ARGLU1: variants seen among roughly 807,000 people sequenced by gnomAD.
ARGLU1 encodes the protein arginine and glutamate rich 1, also known as arginine and glutamate-rich protein 1.
A neutral mutation model predicts 37.6 loss-of-function variants in ARGLU1; 9 were observed. The ratio of observed to expected loss-of-function variants is 0.24; its 90% CI spans 0.14 to 0.42. The LOEUF (loss-of-function observed/expected upper bound fraction) is 0.42, where lower values mean the gene tolerates loss of function less well. Among genes scored for constraint, ARGLU1 ranks in the 10% least tolerant of loss-of-function variants. The pLI is 1.00. For missense variants in ARGLU1, 211 were observed against 359.2 expected, an observed-to-expected ratio of 0.59 and a Z score of 3.34; for synonymous variants, 166 against 138.5, an observed-to-expected ratio of 1.20 and a Z score of -1.39.
rs763509996 is a variant in ARGLU1 at position 106,544,084 on chromosome 13, T to C, written c.734A>G (p.Gln245Arg). Residue 245 changes from glutamine (Q) to arginine (R), a missense_variant, in exon 4 of 4, where the codon CAA (glutamine) becomes CGA (arginine). Transcript: ENST00000400198. ...TTTTTGTTCTTCTTTTTGTTGACGT[T>C]GTCGTTCTTGTTCTAGTTTCATCCT... ...EERMKLEQER[Q>R]RQQKEEQKII... 1.2e-6 allele frequency: 2 copies of C among 1,608,570 alleles called. No individual in the cohort carries two copies.
chr13:106,559,352 C>T (rs747581926), intron 2 of ARGLU1, 80 bp downstream of exon 2: 1 of 1,585,188 alleles, frequency 6.3e-7, no homozygotes, highest in Non-Finnish European at 8.6e-7. Context: ...CCATCTCTTT[C>T]TGAACTGAGC....
intron 3 of ARGLU1, among the ~76,000 whole-genome samples, chr13:106,554,763 T>C (rs1276173225): frequency 6.6e-6 from 1 of 151,706 alleles, no homozygotes; most frequent in Non-Finnish European, 1.5e-5. Context: ...TGGGCACCTG[T>C]AGTCCCAGCT....
chr13:106,557,304 T>C lies in ARGLU1; in HGVS notation c.574-173A>G, dbSNP rs995258765. On this transcript the variant is annotated intron_variant, in intron 2 of 3. Coordinates refer to ENST00000400198, the MANE Select transcript of ARGLU1 (RefSeq NM_018011.4). This position sits in a 1 kb window ranked among gnomAD's most constrained non-coding sequence, Gnocchi z 5.0. ...AGTCACTAAAATTGGTTTCTAGCAC[T>C]AAATTTAAATCATCCCTCCCAGTCC... 12 of 687,394 alleles carry C rather than the reference T, an allele frequency of 1.7e-5. No individual in the cohort carries two copies. The highest frequency in any genetic ancestry group is 1.6e-4 in the African/African-American group (9 of 55,208). 42.6% of individuals were successfully genotyped at this position (687,394 alleles called of 1,614,324 possible).
chr13:106,554,137 T>C (rs1220858817), intron 3 of ARGLU1, among the ~76,000 whole-genome samples: 4 of 152,238 alleles, frequency 2.6e-5, no homozygotes, highest in African/African-American at 9.6e-5. Context: ...TTACATTACC[T>C]ATACCACTTA....
intron 3 of ARGLU1, among the ~76,000 whole-genome samples, chr13:106,553,547 T>C (rs760223599): frequency 5.3e-5 from 8 of 152,178 alleles, no homozygotes; most frequent in Non-Finnish European, 7.4e-5. Flanking sequence ...TAAATTCTCA[T>C]GATCATCAGG....
chr13:106,553,921 C>T (rs1201994051), intron 3 of ARGLU1, among the ~76,000 whole-genome samples: 3 of 152,328 alleles, frequency 2.0e-5, no homozygotes, highest in African/African-American at 7.2e-5. Flanking sequence ...TGCTACTTTA[C>T]TATAGCTCCT....
intron 3 of ARGLU1, among the ~76,000 whole-genome samples, chr13:106,546,640 T>C (rs1193355628): frequency 6.6e-6 from 1 of 152,170 alleles, no homozygotes; most frequent in East Asian, 1.9e-4. Context: ...TGAATCAAGA[T>C]GTAGTAAGGG....
At chr13:106,553,831 A>G (rs1880592659) in intron 3 of ARGLU1, among the ~76,000 whole-genome samples, 1 of 152,170 alleles carries the variant, frequency 6.6e-6, no homozygotes, top group Non-Finnish European at 1.5e-5. Context: ...CCCCACTTCC[A>G]AGGTACTTTC....
chr13:106,553,218 T>C (rs1880578528), intron 3 of ARGLU1, among the ~76,000 whole-genome samples: 1 of 152,246 alleles, frequency 6.6e-6, no homozygotes. Context: ...CTTATTTTTC[T>C]GTCTCTTAAA....
chr13:106,550,142 T>C (rs1880498748), intron 3 of ARGLU1, among the ~76,000 whole-genome samples: 1 of 152,286 alleles, frequency 6.6e-6, no homozygotes, highest in Admixed American at 6.5e-5. Context: ...GGAGTGTCTT[T>C]TCTGGTTCCT....
At chr13:106,552,409 A>G (rs938197353) in intron 3 of ARGLU1, among the ~76,000 whole-genome samples, 3 of 151,518 alleles carry the variant, frequency 2.0e-5, no homozygotes, top group Admixed American at 6.6e-5. Flanking sequence ...GAAATTATCA[A>G]TCTATCAATC....
In ARGLU1 at chr13:106,567,458, A is replaced by T. The variant is rs1594197283; in HGVS notation, c.347+115T>A. ...CGACCCGTTCCCGCGCCCGGTCCCC[A>T]GCCCCGGACCGTCCCCGCCATTCTC... On this transcript the variant is annotated intron_variant, in intron 1 of 3. Transcript: ENST00000400198. The surrounding 1 kb of genome is among the most constrained non-coding windows in gnomAD (Gnocchi z 4.3). 1.7e-4 allele frequency: 112 copies of T among 670,328 alleles called. 1 individual carries two copies. In the East Asian group the frequency reaches 3.9e-3, roughly 23 times the overall value. 41.5% of individuals were successfully genotyped at this position (670,328 alleles called of 1,614,324 possible).
intron 1 of ARGLU1, 46 bp from the exon 2 acceptor site, chr13:106,559,703 A>T (rs750535873): frequency 6.4e-7 from 1 of 1,552,260 alleles, no homozygotes; most frequent in Non-Finnish European, 8.7e-7. Context: ...TACTTTTAAA[A>T]CTATAAATTT....
chr13:106,559,736 A>C, intron 1 of ARGLU1, 79 bp from the exon 2 acceptor site: 1 of 1,446,478 alleles, frequency 6.9e-7, no homozygotes, highest in South Asian at 1.4e-5. Context: ...TTTTAAGTCT[A>C]TCAAGCCATT....
intron 1 of ARGLU1, among the ~76,000 whole-genome samples, chr13:106,563,534 T>C (rs1880873813): frequency 6.6e-6 from 1 of 152,182 alleles, no homozygotes; most frequent in Non-Finnish European, 1.5e-5. Context: ...CCAGGCACGG[T>C]GGCTCACATT....
chr13:106,548,782 CTT>C (rs911368988), intron 3 of ARGLU1, among the ~76,000 whole-genome samples: 1 of 152,142 alleles, frequency 6.6e-6, no homozygotes, highest in African/African-American at 2.4e-5. Flanking sequence ...GAGTCTTGCT[CTT>C]GTTGCCCAGG....
chr13:106,551,553 A>C (rs1175924867), intron 3 of ARGLU1, among the ~76,000 whole-genome samples: 2 of 152,196 alleles, frequency 1.3e-5, no homozygotes, highest in African/African-American at 4.8e-5. Context: ...CCCACTGTCC[A>C]ATTCCAAAAC....
intron 3 of ARGLU1, 53 bp downstream of exon 3, chr13:106,556,995 A>G: frequency 2.7e-6 from 4 of 1,504,452 alleles, no homozygotes; most frequent in Non-Finnish European, 3.7e-6. Flanking sequence ...AAAATCCGAA[A>G]AAAGGAAATA....
At chr13:106,553,215 TTC>T (rs1432154478) in intron 3 of ARGLU1, among the ~76,000 whole-genome samples, 1 of 152,230 alleles carries the variant, frequency 6.6e-6, no homozygotes, top group Non-Finnish European at 1.5e-5. Flanking sequence ...TGGCTTATTT[TTC>T]TGTCTCTTAA....
Sources: gnomAD v4.1 joint callset for allele counts (sites outside exome capture counted in the v4.1 genomes callset) on GRCh38, gnomAD v4.1.1 for gene constraint, Gnocchi (gnomAD v3.1) non-coding constraint, MANE v1.5 for transcripts, NCBI Gene and HGNC (gene_info 2026-07-23, HGNC 2026-07-21) for gene names.